Variants in FAM222A observed in about 807,000 individuals in gnomAD.
The protein encoded by FAM222A is family with sequence similarity 222 member A.
A neutral mutation model predicts 25.8 loss-of-function variants in FAM222A; 7 were observed. The ratio of observed to expected loss-of-function variants is 0.27; its 90% confidence interval spans 0.15 to 0.51. FAM222A has a LOEUF of 0.51. Ranked by LOEUF, FAM222A falls within the 20% of genes least tolerant of loss-of-function variation. FAM222A has a pLI of 0.97. For synonymous variants in FAM222A, 294 were observed against 298.8 expected (o/e 0.98, Z 0.17); for missense variants, 573 against 640.5 (o/e 0.89, Z 1.14).
chr12:109,725,415 C>T (rs908954002), intron 1 of FAM222A, among the ~76,000 whole-genome samples: 2 of 146,320 alleles, frequency 1.4e-5, no homozygotes, highest in African/African-American at 5.0e-5. Context: ...GCTTGCTCTT[C>T]TCTCTTCTCC....
At chr12:109,728,444 C>G (rs754940230) in intron 1 of FAM222A, among the ~76,000 whole-genome samples, 4 of 152,180 alleles carry the variant, frequency 2.6e-5, no homozygotes, top group Non-Finnish European at 5.9e-5. Flanking sequence ...ACTATAGACA[C>G]GGAGTCCCTT....
intron 1 of FAM222A, among the ~76,000 whole-genome samples, chr12:109,733,893 C>T (rs1450507154): frequency 1.3e-5 from 2 of 152,062 alleles, no homozygotes; most frequent in African/African-American, 4.8e-5. Flanking sequence ...AAGGGATTCA[C>T]AGAGGTCCTT....
At chr12:109,742,470 T>C (rs1888270463) in intron 1 of FAM222A, among the ~76,000 whole-genome samples, 1 of 152,232 alleles carries the variant, frequency 6.6e-6, no homozygotes, top group Non-Finnish European at 1.5e-5. Context: ...TAATGGCCTA[T>C]TTTAAAATTA....
chr12:109,727,413 A>C (rs1438314588), intron 1 of FAM222A, among the ~76,000 whole-genome samples: 1 of 152,116 alleles, frequency 6.6e-6, no homozygotes, highest in African/African-American at 2.4e-5. Context: ...GGGACTGGCC[A>C]GGGAGCCTGT....
At chr12:109,762,381 C>G (rs1313811992) in intron 2 of FAM222A, among the ~76,000 whole-genome samples, 7 of 152,186 alleles carry the variant, frequency 4.6e-5, no homozygotes, top group Non-Finnish European at 1.0e-4. Context: ...GGATGGAGGT[C>G]CCAAGAGAAC....
intron 1 of FAM222A, among the ~76,000 whole-genome samples, chr12:109,733,012 G>A (rs1244958352): frequency 1.3e-5 from 2 of 152,152 alleles, no homozygotes; most frequent in African/African-American, 4.8e-5. Context: ...ACAATGGCCA[G>A]GGCAGAAGGT....
At chr12:109,743,357 G>A (rs982490813) in intron 1 of FAM222A, among the ~76,000 whole-genome samples, 7 of 152,230 alleles carry the variant, frequency 4.6e-5, no homozygotes, top group Non-Finnish European at 7.3e-5. Context: ...GGCTCTGGCC[G>A]TTGGGGAAGG....
rs142839001 is a variant in FAM222A at position 109,723,681 on chromosome 12, G to A, written c.-47+8784G>A. ...TCCTGGCGAAGGCTGGGGGATGCCC[G>A]GAGAGGGAGCTGGCAGGGCTGCTGT... On this transcript the variant is annotated intron_variant, in intron 1 of 2. Transcript: ENST00000538780. Among the ~76,000 whole-genome samples, 502 of 152,336 alleles carry A rather than the reference G, an allele frequency of 3.3e-3. 1 individual carries two copies. The highest frequency in any genetic ancestry group is 0.011 in the African/African-American group (476 of 41,578).
At chr12:109,731,283 G>T (rs1279643239) in intron 1 of FAM222A, among the ~76,000 whole-genome samples, 1 of 152,042 alleles carries the variant, frequency 6.6e-6, no homozygotes, top group East Asian at 1.9e-4. Flanking sequence ...TCACCCCTTT[G>T]GCATGCTGGG....
intron 1 of FAM222A, chr12:109,720,140 G>C: frequency 1.0e-6 from 1 of 985,448 alleles, no homozygotes; most frequent in Non-Finnish European, 1.2e-6. Flanking sequence ...GCCTGGGCCA[G>C]TCCTGGCCCC....
chr12:109,721,514 G>C (rs992164803), intron 1 of FAM222A, among the ~76,000 whole-genome samples: 10 of 152,208 alleles, frequency 6.6e-5, no homozygotes, highest in Non-Finnish European at 1.3e-4. Context: ...CTGACCTTGG[G>C]TTCCTTCCAG....
At chr12:109,738,899 C>T (rs1176464633) in intron 1 of FAM222A, among the ~76,000 whole-genome samples, 1 of 152,252 alleles carries the variant, frequency 6.6e-6, no homozygotes, top group Non-Finnish European at 1.5e-5. Context: ...GCTGTGACTT[C>T]CTCCAGGTCA....
At position 109,726,673 on chromosome 12, in the gene FAM222A, G is replaced by A. The variant is rs376674047; in HGVS notation, c.-47+11776G>A. 1.8e-3 allele frequency among the ~76,000 whole-genome samples: 278 copies of A among 152,338 alleles called. 2 individuals carry two copies. The highest frequency in any genetic ancestry group is 6.0e-3 in the African/African-American group (249 of 41,574). On this transcript the variant is annotated intron_variant, in intron 1 of 2. Transcript: ENST00000538780. ...GCCTGGCTTGATGGTCAGCACCAAC[G>A]GGATGTGGACCTTGCCGGGTGGAGG...
chr12:109,765,534 A>G (rs1817958389), intron 2 of FAM222A, among the ~76,000 whole-genome samples: 1 of 152,136 alleles, frequency 6.6e-6, no homozygotes, highest in South Asian at 2.1e-4. Context: ...CTCTGCCTGA[A>G]ATCTGTTTCT....
chr12:109,723,949 T>C (rs200273093), intron 1 of FAM222A, among the ~76,000 whole-genome samples: 3 of 151,394 alleles, frequency 2.0e-5, no homozygotes, highest in South Asian at 2.1e-4. Context: ...AAAAATCCCC[T>C]TTTTTTTTCT....
chr12:109,746,224 C>T (rs1351116902), intron 2 of FAM222A, among the ~76,000 whole-genome samples: 3 of 152,186 alleles, frequency 2.0e-5, no homozygotes, highest in Non-Finnish European at 4.4e-5. Context: ...CACAGTGGCT[C>T]ATGCCTGTAA....
intron 2 of FAM222A, among the ~76,000 whole-genome samples, chr12:109,756,349 C>T (rs1487470936): frequency 1.4e-5 from 2 of 147,060 alleles, no homozygotes; most frequent in Non-Finnish European, 3.0e-5. Flanking sequence ...AAGATAATGT[C>T]ATCTGTGACT....
chr12:109,739,044 C>T (rs1212196732), intron 1 of FAM222A, among the ~76,000 whole-genome samples: 1 of 152,144 alleles, frequency 6.6e-6, no homozygotes, highest in Non-Finnish European at 1.5e-5. Context: ...CCCTCCAGGT[C>T]ACAGCTAGGC....
At chr12:109,767,014 G>A (rs1889070250) in intron 2 of FAM222A, among the ~76,000 whole-genome samples, 1 of 149,428 alleles carries the variant, frequency 6.7e-6, no homozygotes, top group South Asian at 2.1e-4. Flanking sequence ...TCCCACCTCA[G>A]CCTCCAAAGT....
Sources: gnomAD v4.1 joint callset for allele counts (sites outside exome capture counted in the v4.1 genomes callset) on GRCh38, gnomAD v4.1.1 for gene constraint, MANE v1.5 for transcripts, NCBI Gene and HGNC (gene_info 2026-07-23, HGNC 2026-07-21) for gene names.